VWC2: variants seen among roughly 807,000 people sequenced by gnomAD.
VWC2 encodes the protein von Willebrand factor C domain containing 2.
VWC2 carries 14 observed loss-of-function variants against 29.8 expected under a neutral mutation model. The ratio of observed to expected loss-of-function variants is 0.47; its 90% confidence interval spans 0.31 to 0.74. VWC2 has a LOEUF of 0.74. Ranked by LOEUF, VWC2 falls within the 30% of genes least tolerant of loss-of-function variation. The pLI is 0.05. For synonymous variants in VWC2, 213 were observed against 199.0 expected, an observed-to-expected ratio of 1.07 and a Z score of -0.59; for missense variants, 457 against 459.8, an observed-to-expected ratio of 0.99 and a Z score of 0.05.
At position 49,902,927 on chromosome 7, in the gene VWC2, C is replaced by A. The variant is rs147169072; in HGVS notation, c.827-9107C>A. On this transcript the variant is annotated intron_variant, in intron 3 of 3. Coordinates refer to ENST00000340652, the MANE Select transcript of VWC2 (RefSeq NM_198570.5). ...ATAACACAACATTAAACAATAAAAA[C>A]ACCAAACAATTCAGTTAGAAAATAG... Among the ~76,000 whole-genome samples the A allele has an allele frequency of 3.2e-3, 484 of 152,034 alleles. 6 individuals carry two copies. The highest frequency in any genetic ancestry group is 0.011 in the African/African-American group (451 of 41,476).
intron 3 of VWC2, among the ~76,000 whole-genome samples, chr7:49,839,102 A>G (rs1347127702): frequency 2.0e-5 from 3 of 152,326 alleles, no homozygotes; most frequent in East Asian, 3.9e-4. Context: ...GTGAGGACAC[A>G]GTGAGAAGGC....
chr7:49,803,450 T>C (rs1788792924), intron 3 of VWC2, among the ~76,000 whole-genome samples: 1 of 151,996 alleles, frequency 6.6e-6, no homozygotes, highest in African/African-American at 2.4e-5. Flanking sequence ...TTGACAAGAG[T>C]GCATACCCAG....
chr7:49,884,773 A>C (rs1215198135), intron 3 of VWC2, among the ~76,000 whole-genome samples: 1 of 152,186 alleles, frequency 6.6e-6, no homozygotes, highest in African/African-American at 2.4e-5. Context: ...AAACGGGGAA[A>C]AAAATAAATA....
intron 3 of VWC2, among the ~76,000 whole-genome samples, chr7:49,886,492 A>G (rs769174705): frequency 7.9e-5 from 12 of 152,182 alleles, no homozygotes; most frequent in Non-Finnish European, 1.5e-5. Flanking sequence ...TTTCCATTTT[A>G]AGATTTAAAA....
chr7:49,851,210 C>T (rs1790166912), intron 3 of VWC2, among the ~76,000 whole-genome samples: 1 of 152,186 alleles, frequency 6.6e-6, no homozygotes, highest in Non-Finnish European at 1.5e-5. Flanking sequence ...GTGCCCGTGT[C>T]TTCTCCTTTT....
intron 3 of VWC2, among the ~76,000 whole-genome samples, chr7:49,826,892 T>C (rs1789405944): frequency 6.6e-6 from 1 of 152,168 alleles, no homozygotes; most frequent in Non-Finnish European, 1.5e-5. Context: ...CCATGTATCA[T>C]TTATGCCTTA....
intron 3 of VWC2, among the ~76,000 whole-genome samples, chr7:49,863,556 C>A (rs1790753207): frequency 6.6e-6 from 1 of 152,088 alleles, no homozygotes; most frequent in African/African-American, 2.4e-5. Flanking sequence ...CTCAGCCTCC[C>A]AAGTAGCTGG....
At chr7:49,850,562 CA>C (rs1321315800) in intron 3 of VWC2, 22 of 152,210 alleles carry the variant, frequency 1.4e-4, no homozygotes, top group African/African-American at 5.3e-4. Flanking sequence ...CATGAACTCA[CA>C]AGATGTCCAC....
intron 3 of VWC2, among the ~76,000 whole-genome samples, chr7:49,849,821 C>T (rs1313352179): frequency 6.6e-6 from 1 of 152,218 alleles, no homozygotes; most frequent in South Asian, 2.1e-4. Context: ...GGTAGAATCA[C>T]TTCTCAGATT....
intron 2 of VWC2, among the ~76,000 whole-genome samples, chr7:49,779,080 GA>G (rs887792885): frequency 1.3e-5 from 2 of 152,064 alleles, no homozygotes; most frequent in Non-Finnish European, 2.9e-5. Context: ...AGAGAGAGGG[GA>G]AATTACTAGT....
intron 2 of VWC2, among the ~76,000 whole-genome samples, chr7:49,790,443 G>A (rs1788440105): frequency 6.6e-6 from 1 of 152,148 alleles, no homozygotes; most frequent in Non-Finnish European, 1.5e-5. Context: ...CTGACAGACA[G>A]TGGAAAGACA....
At chr7:49,879,491 T>G (rs1791581575) in intron 3 of VWC2, among the ~76,000 whole-genome samples, 1 of 152,132 alleles carries the variant, frequency 6.6e-6, no homozygotes, top group South Asian at 2.1e-4. Flanking sequence ...AAGCATGGCA[T>G]ATAATAGAAT....
At chr7:49,837,182 A>ATT (rs1789683678) in intron 3 of VWC2, among the ~76,000 whole-genome samples, 1 of 152,250 alleles carries the variant, frequency 6.6e-6, no homozygotes, top group Non-Finnish European at 1.5e-5. Context: ...CTTTAAATTA[A>ATT]GAATTGCAAC....
chr7:49,867,418 A>G lies in VWC2; in HGVS notation c.827-44616A>G, dbSNP rs1790944008. Among the ~76,000 whole-genome samples the G allele has an allele frequency of 3.3e-5, 5 of 152,230 alleles. No homozygotes were observed. In the South Asian group the frequency reaches 6.2e-4, roughly 19 times the overall value. ...CAGATCTGGAGGACGAAGTAAGGGA[A>G]GGAGTACAGGTCAACTGAGAGGCGG... is the stretch of plus-strand genomic sequence containing the variant. On this transcript the variant is annotated intron_variant, in intron 3 of 3. Transcript: ENST00000340652.
chr7:49,818,696 G>T (rs1789203153), intron 3 of VWC2, among the ~76,000 whole-genome samples: 1 of 151,612 alleles, frequency 6.6e-6, no homozygotes, highest in South Asian at 2.1e-4. Flanking sequence ...TCTGGGAAAG[G>T]AGATTGAAAG....
In VWC2 at chr7:49,775,491, C is replaced by A; in HGVS notation, c.56C>A (p.Thr19Asn). 2 of 1,560,880 alleles carry A rather than the reference C, an allele frequency of 1.3e-6. No homozygotes were observed. Among genetic ancestry groups the A allele is most frequent in the Non-Finnish European group, 1.7e-6 (2 of 1,159,264 alleles). ...GCGCTCTCCAGTTCCCTCCTGGTCA[C>A]CTGCTGCCTGATGGTGGCTCTGTGC... ...VGALSSSLLV[T>N]CCLMVALCSP... The change falls in exon 2 of 4, where the codon ACC becomes AAC. Residue 19 changes from threonine (T) to asparagine (N), a missense_variant. Physicochemically the swap from Thr to Asn is moderately conservative, Grantham distance 65 (BLOSUM62 0). Coordinates refer to ENST00000340652, the MANE Select transcript of VWC2 (RefSeq NM_198570.5).
chr7:49,832,971 A>G (rs1344524072), intron 3 of VWC2, among the ~76,000 whole-genome samples: 1 of 152,230 alleles, frequency 6.6e-6, no homozygotes, highest in East Asian at 1.9e-4. Flanking sequence ...CACTTCCAGA[A>G]TTGCAGCTAT....
At position 49,775,401 on chromosome 7, in the gene VWC2, T is replaced by TGCCCC; in HGVS notation, c.-35_-34insGCCCC. The stretch of plus-strand genomic sequence containing the variant: ...AATGCGACTCGCCCCTCGGCCGCGC[T>TGCCCC]CCCCGCCCGCCCGCCCGCCGGGACG... On this transcript the variant is annotated 5_prime_UTR_variant, in exon 2 of 4. It removes the in-frame stop codon of an upstream open reading frame in the 5' UTR. Transcript: ENST00000340652. The TGCCCC allele has an allele frequency of 1.6e-5, 17 of 1,072,738 alleles. No homozygotes were observed. Among genetic ancestry groups the TGCCCC allele is most frequent in the East Asian group, 3.8e-5 (1 of 26,612 alleles). The allele number at this position is 1,072,738 out of a possible 1,614,324, so 66.5% of individuals were successfully genotyped here.
Position 49,811,955 on chromosome 7 carries a change from CA to C in VWC2, c.826+9118del, listed in dbSNP as rs569451707. Among the ~76,000 whole-genome samples, 55 of 152,122 alleles carry C rather than the reference CA, an allele frequency of 3.6e-4. 1 individual carries two copies. The South Asian group carries it at 0.011, about 30-fold the overall frequency. On this transcript the variant is annotated intron_variant, in intron 3 of 3. Coordinates refer to ENST00000340652, the MANE Select transcript of VWC2 (RefSeq NM_198570.5). Reference sequence around the variant, plus strand: ...GTTCATTAACCAGTGAATGGATACACAAATGTAGTATATCCATGTACTGAAT... The same window carrying C: ...GTTCATTAACCAGTGAATGGATACACAATGTAGTATATCCATGTACTGAAT...
Sources: allele counts gnomAD v4.1 joint callset (sites outside exome capture counted in the v4.1 genomes callset), GRCh38; gene constraint gnomAD v4.1.1; transcripts MANE v1.5; gene names NCBI Gene and HGNC (gene_info 2026-07-23, HGNC 2026-07-21).